CADM1: variants seen among roughly 807,000 people sequenced by gnomAD.
CADM1 encodes the protein TSLC-1.
Under a neutral mutation model 53.1 loss-of-function variants are expected in CADM1, and 15 were observed. That is an observed-to-expected ratio of 0.28 (90% CI 0.19 to 0.44). The LOEUF is 0.44. CADM1 is among the 20% of genes least tolerant of loss of function. The pLI is 1.00. For missense variants in CADM1, 434 were observed against 611.3 expected (o/e 0.71, Z 3.06); for synonymous variants, 281 against 243.0 (o/e 1.16, Z -1.45).
chr11:115,359,392 T>A (rs1945968486), intron 1 of CADM1, among the ~76,000 whole-genome samples: 1 of 152,170 alleles, frequency 6.6e-6, no homozygotes, highest in African/African-American at 2.4e-5. Flanking sequence ...TAAGATGAGA[T>A]GATATTGCTC....
chr11:115,176,098 C>A lies in CADM1; in HGVS notation c.*376G>T. The A allele has an allele frequency of 1.9e-6, 2 of 1,063,708 alleles. No individual in the cohort carries two copies. The highest frequency in any genetic ancestry group is 2.9e-5 in the South Asian group (1 of 33,988). The allele number at this position is 1,063,708 out of a possible 1,614,324, so 65.9% of individuals were successfully genotyped here. On this transcript the variant is annotated 3_prime_UTR_variant, in exon 12 of 12. Coordinates refer to ENST00000331581, the MANE Select transcript of CADM1 (RefSeq NM_001301043.2). ...CAAAATGGGAGATTTTGGAAAAAATCCGAAATTGGGGTAGAGGGAGGAAAT... is the reference window on the plus strand; with the variant it reads ...CAAAATGGGAGATTTTGGAAAAAATACGAAATTGGGGTAGAGGGAGGAAAT...
intron 4 of CADM1, among the ~76,000 whole-genome samples, chr11:115,229,756 C>A (rs1006861287): frequency 6.6e-6 from 1 of 152,196 alleles, no homozygotes; most frequent in Admixed American, 6.5e-5. Flanking sequence ...GAGTTACAAA[C>A]AACCCCCTTT....
intron 1 of CADM1, among the ~76,000 whole-genome samples, chr11:115,473,312 C>T (rs1184255654): frequency 5.3e-5 from 8 of 151,994 alleles, no homozygotes; most frequent in African/African-American, 1.9e-4. Flanking sequence ...TTAAAAAATT[C>T]GCCAGGCGTG....
chr11:115,382,284 T>C (rs990417603), intron 1 of CADM1, among the ~76,000 whole-genome samples: 1 of 151,698 alleles, frequency 6.6e-6, no homozygotes, highest in African/African-American at 2.4e-5. Context: ...ATTATGTAAA[T>C]AATAATACTG....
chr11:115,340,666 T>A (rs1179796218), intron 1 of CADM1, among the ~76,000 whole-genome samples: 6 of 100,716 alleles, frequency 6.0e-5, no homozygotes, highest in African/African-American at 1.8e-4. Context: ...ATATTTTTTT[T>A]TTTTTTTTTT....
Position 115,461,143 on chromosome 11 carries a change from TATATA to T in CADM1, c.124+43123_124+43127del, listed in dbSNP as rs550447608. Among the ~76,000 whole-genome samples the T allele has an allele frequency of 6.6e-5, 10 of 152,168 alleles. No individual in the cohort carries two copies. In the East Asian group the frequency reaches 1.5e-3, roughly 23 times the overall value. Reference sequence around the variant, plus strand: ...CACACACACACACACATACTTGTATTATATAATAAGTATATATATAATAAAGCTCC... The same window carrying T: ...CACACACACACACACATACTTGTATTATAAGTATATATATAATAAAGCTCC... On this transcript the variant is annotated intron_variant, in intron 1 of 11. Coordinates refer to ENST00000331581, the MANE Select transcript of CADM1 (RefSeq NM_001301043.2).
intron 1 of CADM1, among the ~76,000 whole-genome samples, chr11:115,299,878 T>A (rs184390365): frequency 6.2e-4 from 95 of 152,226 alleles, no homozygotes; most frequent in African/African-American, 2.3e-3. Flanking sequence ...TTGCAATGTT[T>A]AAAAATGGGA....
chr11:115,240,232 G>A (rs765645737), intron 2 of CADM1, 42 bp downstream of exon 2: 1 of 1,599,420 alleles, frequency 6.3e-7, no homozygotes, highest in Non-Finnish European at 8.6e-7. Context: ...CAACATGTAG[G>A]TAAAAAAGTT....
intron 1 of CADM1, among the ~76,000 whole-genome samples, chr11:115,448,416 C>A (rs1360834615): frequency 1.3e-5 from 2 of 152,184 alleles, no homozygotes; most frequent in Admixed American, 6.5e-5. Flanking sequence ...TTAGAAAATT[C>A]TTTCTGCAAC....
intron 1 of CADM1, among the ~76,000 whole-genome samples, chr11:115,251,374 T>A (rs1157773005): frequency 2.0e-5 from 3 of 151,002 alleles, no homozygotes; most frequent in African/African-American, 4.9e-5. Flanking sequence ...CAAGTAAGGA[T>A]ATCAGTTGGA....
At chr11:115,441,938 T>C (rs538392361) in intron 1 of CADM1, among the ~76,000 whole-genome samples, 80 of 152,210 alleles carry the variant, frequency 5.3e-4, no homozygotes, top group African/African-American at 1.9e-3. Context: ...TTCAATAATG[T>C]ATATTATTGA....
intron 5 of CADM1, among the ~76,000 whole-genome samples, chr11:115,219,211 C>T (rs1403579674): frequency 6.6e-6 from 1 of 152,168 alleles, no homozygotes; most frequent in Non-Finnish European, 1.5e-5. Flanking sequence ...AGCTCATTAA[C>T]ATTCATCCTA....
intron 10 of CADM1, chr11:115,179,008 C>T (rs1565280189): frequency 1.8e-6 from 1 of 544,370 alleles, no homozygotes; most frequent in Admixed American, 2.7e-5. Flanking sequence ...AGGGTTAATG[C>T]ATGTGGAACA....
rs1591693650 is a variant in CADM1 at position 115,308,174 on chromosome 11, T to C, written c.125-67754A>G. On this transcript the variant is annotated intron_variant, in intron 1 of 11. Coordinates refer to ENST00000331581, the MANE Select transcript of CADM1 (RefSeq NM_001301043.2). ...GTGTGTGTGTGTGTGTGTGTGTGTGTGTATATCACTCATAGGTGTGTATAT... is the reference window on the plus strand; with the variant it reads ...GTGTGTGTGTGTGTGTGTGTGTGTGCGTATATCACTCATAGGTGTGTATAT... Among the ~76,000 whole-genome samples, 4 of 128,022 alleles carry C rather than the reference T, an allele frequency of 3.1e-5. No homozygotes were observed. In the South Asian group the frequency reaches 9.1e-4, roughly 29 times the overall value. The allele number at this position is 128,022 out of a possible 152,430, so 84.0% of individuals were successfully genotyped here.
intron 1 of CADM1, among the ~76,000 whole-genome samples, chr11:115,339,588 G>T (rs1265658069): frequency 4.6e-5 from 7 of 151,966 alleles, no homozygotes; most frequent in Non-Finnish European, 1.5e-5. Context: ...CCTACCTTCT[G>T]CCTCTTCACT....
chr11:115,201,156 C>T (rs182075162), intron 8 of CADM1, among the ~76,000 whole-genome samples: 6 of 152,284 alleles, frequency 3.9e-5, no homozygotes, highest in Admixed American at 2.0e-4. Flanking sequence ...TCAAGTCACA[C>T]ACACGATTAC....
intron 1 of CADM1, among the ~76,000 whole-genome samples, chr11:115,444,500 C>A (rs530662092): frequency 1.3e-5 from 2 of 152,262 alleles, no homozygotes; most frequent in South Asian, 4.1e-4. Context: ...TGGTTCCTTA[C>A]GTCTACCAAG....
At chr11:115,274,049 G>A (rs563223228) in intron 1 of CADM1, among the ~76,000 whole-genome samples, 23 of 152,298 alleles carry the variant, frequency 1.5e-4, no homozygotes, top group African/African-American at 5.5e-4. Flanking sequence ...CCTACCCGAT[G>A]CTTTTCAACA....
intron 1 of CADM1, among the ~76,000 whole-genome samples, chr11:115,274,956 A>G (rs932884171): frequency 2.0e-4 from 31 of 152,170 alleles, no homozygotes; most frequent in African/African-American, 7.5e-4. Context: ...GTTTGCTGCC[A>G]TGGTATTTTC....
Sources: allele counts gnomAD v4.1 joint callset (sites outside exome capture counted in the v4.1 genomes callset), GRCh38; gene constraint gnomAD v4.1.1; transcripts MANE v1.5; gene names NCBI Gene and HGNC (gene_info 2026-07-23, HGNC 2026-07-21).